The following DGKG variants were observed in gnomAD, a reference collection of about 807,000 sequenced individuals.
The protein encoded by DGKG is diacylglycerol kinase gamma.
In DGKG, 78 loss-of-function variants were observed where a neutral mutation model predicts 105.3. That is an observed-to-expected ratio of 0.74 (90% CI 0.62 to 0.89). The LOEUF (loss-of-function observed/expected upper bound fraction) is 0.89. Ranked by LOEUF, DGKG falls within the 40% of genes least tolerant of loss-of-function variation. DGKG has a pLI of 0.00. For synonymous variants in DGKG, 346 were observed against 367.1 expected, an observed-to-expected ratio of 0.94 and a Z score of 0.66; for missense variants, 958 against 1,020.1, an observed-to-expected ratio of 0.94 and a Z score of 0.83.
chr3:186,230,285 A>G (rs1720087068), intron 20 of DGKG, among the ~76,000 whole-genome samples: 1 of 152,122 alleles, frequency 6.6e-6, no homozygotes, highest in African/African-American at 2.4e-5. Flanking sequence ...CAAACAAACA[A>G]AACAACAACA....
intron 3 of DGKG, among the ~76,000 whole-genome samples, chr3:186,302,640 C>T (rs1724035307): frequency 8.3e-6 from 1 of 120,836 alleles, no homozygotes; most frequent in Non-Finnish European, 1.9e-5. Context: ...ATATCTATAT[C>T]TATATATCTA....
At chr3:186,307,974 C>G (rs1335161809) in intron 2 of DGKG, among the ~76,000 whole-genome samples, 1 of 150,168 alleles carries the variant, frequency 6.7e-6, no homozygotes, top group African/African-American at 2.5e-5. Flanking sequence ...TCAATTATGT[C>G]TCATAATTAG....
chr3:186,333,210 CG>C (rs1436597208), intron 1 of DGKG, among the ~76,000 whole-genome samples: 2 of 152,048 alleles, frequency 1.3e-5, no homozygotes, highest in East Asian at 3.9e-4. Flanking sequence ...TCAGCACCAC[CG>C]GGGGAACGTG....
At chr3:186,156,443 G>A (rs564572374) in intron 24 of DGKG, among the ~76,000 whole-genome samples, 33 of 152,142 alleles carry the variant, frequency 2.2e-4, no homozygotes, top group South Asian at 6.2e-4. Flanking sequence ...CTCAAGGCTT[G>A]CTTCTGTACT....
chr3:186,280,382 T>C (rs1402653800), intron 8 of DGKG, among the ~76,000 whole-genome samples: 1 of 152,242 alleles, frequency 6.6e-6, no homozygotes, highest in Non-Finnish European at 1.5e-5. Context: ...CTAATAGAAA[T>C]CTCTACAGTT....
rs148356714 is a variant in DGKG at position 186,287,835 on chromosome 3, G to A, written c.544+875C>T. On this transcript the variant is annotated intron_variant, in intron 6 of 24. Coordinates refer to ENST00000265022, the MANE Select transcript of DGKG (RefSeq NM_001346.3). Reference sequence around the variant, plus strand: ...GCAGACTTCCCTTGCTTATGTTTAAGTTTTGTTGACTAGTCTTATTATTAA... The same window carrying A: ...GCAGACTTCCCTTGCTTATGTTTAAATTTTGTTGACTAGTCTTATTATTAA... Among the ~76,000 whole-genome samples the A allele has an allele frequency of 1.5e-3, 221 of 152,314 alleles. 1 individual carries two copies. Among genetic ancestry groups the A allele is most frequent in the African/African-American group, 5.2e-3 (215 of 41,568 alleles).
chr3:186,362,096 G>A lies in DGKG; in HGVS notation c.-399C>T, dbSNP rs1396866050. 1 of 152,412 alleles carries A rather than the reference G, an allele frequency of 6.6e-6. No individual in the cohort carries two copies. The highest frequency in any genetic ancestry group is 2.4e-5 in the African/African-American group (1 of 41,454). The allele number at this position is 152,412 out of a possible 1,614,324, so 9.4% of individuals were successfully genotyped here. ...TCCCGCCTGCGCAGCCCTCTCGGGG[G>A]AGGGGGATGCAGCCCCAGTGGGTGC... On this transcript the variant is annotated 5_prime_UTR_variant, in exon 1 of 25. Coordinates refer to ENST00000265022, the MANE Select transcript of DGKG (RefSeq NM_001346.3).
chr3:186,246,299 A>AT (rs1215640366), intron 19 of DGKG, among the ~76,000 whole-genome samples: 2 of 152,246 alleles, frequency 1.3e-5, no homozygotes, highest in Admixed American at 6.5e-5. Context: ...ATATATTTTC[A>AT]TTAACCCAAT....
At chr3:186,300,297 C>T (rs1328077042) in intron 3 of DGKG, among the ~76,000 whole-genome samples, 1 of 152,202 alleles carries the variant, frequency 6.6e-6, no homozygotes, top group African/African-American at 2.4e-5. Context: ...CCATCCTTCT[C>T]CCCTTTCCTT....
chr3:186,170,137 G>A (rs1716748666), intron 22 of DGKG, among the ~76,000 whole-genome samples: 1 of 152,326 alleles, frequency 6.6e-6, no homozygotes, highest in African/African-American at 2.4e-5. Context: ...CTGAGCGTTA[G>A]AATGACCTGG....
chr3:186,275,510 G>A (rs1456513254), intron 10 of DGKG, 37 bp downstream of exon 10: 2 of 1,556,176 alleles, frequency 1.3e-6, no homozygotes, highest in East Asian at 2.2e-5. Context: ...GAGCAAGATA[G>A]TGCCTGGGGG....
At chr3:186,318,079 T>C (rs1333563310) in intron 2 of DGKG, among the ~76,000 whole-genome samples, 3 of 152,192 alleles carry the variant, frequency 2.0e-5, no homozygotes, top group Non-Finnish European at 4.4e-5. Context: ...ACCTTAGCTC[T>C]TTGGCTCAGA....
intron 19 of DGKG, among the ~76,000 whole-genome samples, chr3:186,245,915 CAAA>C (rs200608793): frequency 1.4e-5 from 2 of 145,472 alleles, no homozygotes; most frequent in South Asian, 2.1e-4. Context: ...AACAAACAAA[CAAA>C]AAAACAACAA....
chr3:186,274,741 T>C (rs190079368), intron 10 of DGKG, among the ~76,000 whole-genome samples: 77 of 152,272 alleles, frequency 5.1e-4, no homozygotes, highest in Admixed American at 5.2e-4. Context: ...GGCTGCATAG[T>C]ATTCTATGGT....
At chr3:186,208,601 G>A (rs749325412) in intron 21 of DGKG, among the ~76,000 whole-genome samples, 4 of 152,182 alleles carry the variant, frequency 2.6e-5, no homozygotes, top group Non-Finnish European at 5.9e-5. Context: ...CAAAATAAAT[G>A]AGATGCTGTG....
chr3:186,188,087 G>A (rs13087397), intron 22 of DGKG, 115 bp downstream of exon 22: 696,131 of 1,230,300 alleles, frequency 0.57, 205,128 homozygotes, highest in East Asian at 0.7. Context: ...CAGCATATCC[G>A]CAGAGCATGG....
chr3:186,334,335 T>C (rs1167684741), intron 1 of DGKG, among the ~76,000 whole-genome samples: 1 of 152,216 alleles, frequency 6.6e-6, no homozygotes, highest in Non-Finnish European at 1.5e-5. Flanking sequence ...AGATTATTAG[T>C]ACCATCTCTA....
chr3:186,331,669 A>C (rs1265231472), intron 1 of DGKG, among the ~76,000 whole-genome samples: 1 of 152,164 alleles, frequency 6.6e-6, no homozygotes, highest in African/African-American at 2.4e-5. Flanking sequence ...TCCAAGGAGA[A>C]GTTGAGGACT....
chr3:186,205,495 A>G (rs2108514482), intron 21 of DGKG, among the ~76,000 whole-genome samples: 1 of 152,178 alleles, frequency 6.6e-6, no homozygotes, highest in East Asian at 1.9e-4. Flanking sequence ...GGGTCACCTG[A>G]GGTTAGGAGT....
Sources: gnomAD v4.1 joint callset for allele counts (sites outside exome capture counted in the v4.1 genomes callset) on GRCh38, gnomAD v4.1.1 for gene constraint, MANE v1.5 for transcripts, NCBI Gene and HGNC (gene_info 2026-07-23, HGNC 2026-07-21) for gene names.